Variants in PLCXD3 observed in about 807,000 individuals in gnomAD.
The protein encoded by PLCXD3 is phosphatidylinositol specific phospholipase C X domain containing 3, also known as PI-PLC X domain-containing protein 3.
Under a neutral mutation model 25.5 loss-of-function variants are expected in PLCXD3, and 19 were observed. That is an observed-to-expected ratio of 0.75 (90% CI 0.52 to 1.09). The LOEUF (loss-of-function observed/expected upper bound fraction) is 1.09. Ranked by LOEUF, PLCXD3 falls within the 50% of genes least tolerant of loss-of-function variation. The pLI, the probability that PLCXD3 is intolerant of heterozygous loss-of-function variation, is 0.00. For missense variants in PLCXD3, 411 were observed against 388.1 expected, an observed-to-expected ratio of 1.06 and a Z score of -0.50; for synonymous variants, 174 against 137.6, an observed-to-expected ratio of 1.26 and a Z score of -1.85.
intron 1 of PLCXD3, among the ~76,000 whole-genome samples, chr5:41,492,760 G>C (rs1399568322): frequency 1.3e-5 from 2 of 152,136 alleles, no homozygotes; most frequent in African/African-American, 4.8e-5. Flanking sequence ...CGTAGTTCTC[G>C]AGCCTTGGCT....
chr5:41,468,914 G>C (rs1340428822), intron 1 of PLCXD3, among the ~76,000 whole-genome samples: 1 of 152,110 alleles, frequency 6.6e-6, no homozygotes, highest in African/African-American at 2.4e-5. Context: ...CCAGTACTAA[G>C]TTGAAAAGAA....
intron 2 of PLCXD3, among the ~76,000 whole-genome samples, chr5:41,325,620 A>G (rs1743604404): frequency 6.6e-6 from 1 of 152,082 alleles, no homozygotes; most frequent in African/African-American, 2.4e-5. Flanking sequence ...TTTTTTTGCC[A>G]TTGATAATGT....
chr5:41,412,224 T>C (rs891948570), intron 1 of PLCXD3, among the ~76,000 whole-genome samples: 5 of 152,204 alleles, frequency 3.3e-5, no homozygotes, highest in Admixed American at 6.5e-5. Context: ...ATATACCAAA[T>C]GCATTGGGTT....
intron 2 of PLCXD3, among the ~76,000 whole-genome samples, chr5:41,330,787 C>A (rs1743777713): frequency 6.6e-6 from 1 of 151,916 alleles, no homozygotes; most frequent in Admixed American, 6.6e-5. Flanking sequence ...AAGGCTGGTT[C>A]AATATATGCA....
intron 1 of PLCXD3, among the ~76,000 whole-genome samples, chr5:41,458,644 G>C (rs1747807390): frequency 6.6e-6 from 1 of 151,966 alleles, no homozygotes; most frequent in South Asian, 2.1e-4. Context: ...CAGGTCATTT[G>C]ACACTAATGC....
At chr5:41,508,288 T>C (rs1749095148) in intron 1 of PLCXD3, among the ~76,000 whole-genome samples, 1 of 152,180 alleles carries the variant, frequency 6.6e-6, no homozygotes, top group Non-Finnish European at 1.5e-5. Flanking sequence ...GAAAGGAAAA[T>C]TACTGTGTTC....
At chr5:41,466,359 C>T (rs1748017931) in intron 1 of PLCXD3, among the ~76,000 whole-genome samples, 2 of 151,896 alleles carry the variant, frequency 1.3e-5, no homozygotes, top group African/African-American at 2.4e-5. Flanking sequence ...GTGAGTATTA[C>T]ATATTCATAA....
chr5:41,403,561 G>C (rs1284735954), intron 1 of PLCXD3, among the ~76,000 whole-genome samples: 2 of 76,162 alleles, frequency 2.6e-5, no homozygotes, highest in African/African-American at 1.0e-4. Flanking sequence ...CCACTCCCCC[G>C]ACCCCACCAC....
intron 1 of PLCXD3, among the ~76,000 whole-genome samples, chr5:41,506,898 C>T (rs1402198874): frequency 6.6e-6 from 1 of 152,138 alleles, no homozygotes; most frequent in Non-Finnish European, 1.5e-5. Flanking sequence ...TCTGAGTTTC[C>T]AGTCCCACAA....
chr5:41,379,496 A>T (rs565041732), intron 2 of PLCXD3, among the ~76,000 whole-genome samples: 3 of 152,210 alleles, frequency 2.0e-5, no homozygotes, highest in South Asian at 2.1e-4. Context: ...TTACACAATC[A>T]TCTAGAACGT....
At chr5:41,332,828 G>A (rs922541693) in intron 2 of PLCXD3, among the ~76,000 whole-genome samples, 9 of 152,080 alleles carry the variant, frequency 5.9e-5, no homozygotes, top group Non-Finnish European at 1.2e-4. Context: ...ATCATTCTCA[G>A]TAAACTATCG....
chr5:41,393,935 GA>G (rs1190389117), intron 1 of PLCXD3, among the ~76,000 whole-genome samples: 2 of 150,860 alleles, frequency 1.3e-5, no homozygotes, highest in African/African-American at 2.4e-5. Context: ...ATCAAAAAAA[GA>G]AAAAAAACAA....
chr5:41,376,537 G>C (rs16871303), intron 2 of PLCXD3, among the ~76,000 whole-genome samples: 27,132 of 151,772 alleles, frequency 0.18, 3,019 homozygotes, highest in African/African-American at 0.31. Flanking sequence ...CTCTGTTTCT[G>C]TAACCAACCC....
At chr5:41,496,618 T>C (rs1269331146) in intron 1 of PLCXD3, among the ~76,000 whole-genome samples, 1 of 125,804 alleles carries the variant, frequency 7.9e-6, no homozygotes, top group Admixed American at 7.7e-5. Context: ...GGTAAAGCTT[T>C]TCCCAGACCA....
chr5:41,496,458 A>G (rs1202851289), intron 1 of PLCXD3, among the ~76,000 whole-genome samples: 1 of 151,990 alleles, frequency 6.6e-6, no homozygotes, highest in African/African-American at 2.4e-5. Flanking sequence ...TTAAAATAAC[A>G]GGAGAAAAGT....
intron 2 of PLCXD3, among the ~76,000 whole-genome samples, chr5:41,354,170 G>A (rs1744553149): frequency 1.3e-5 from 2 of 152,074 alleles, no homozygotes; most frequent in African/African-American, 4.8e-5. Flanking sequence ...TATTCCTATA[G>A]CTTTAATTCC....
Position 41,478,693 on chromosome 5 carries a change from G to A in PLCXD3, c.103+31731C>T, listed in dbSNP as rs113970136. Among the ~76,000 whole-genome samples the A allele has an allele frequency of 3.8e-3, 574 of 152,252 alleles. 5 individuals carry two copies. Among genetic ancestry groups the A allele is most frequent in the African/African-American group, 0.012 (482 of 41,552 alleles). On this transcript the variant is annotated intron_variant, in intron 1 of 2. Coordinates refer to ENST00000377801, the MANE Select transcript of PLCXD3 (RefSeq NM_001005473.3). ...GAAAACAAACAGCAAAGTGTAAAGA[G>A]GTGTGTATTAGTCTATTATCTTACT...
intron 1 of PLCXD3, among the ~76,000 whole-genome samples, chr5:41,453,808 C>T (rs1006382054): frequency 6.6e-6 from 1 of 151,860 alleles, no homozygotes; most frequent in Non-Finnish European, 1.5e-5. Flanking sequence ...TGTCACTTTT[C>T]CCCAGAATGG....
intron 1 of PLCXD3, among the ~76,000 whole-genome samples, chr5:41,403,915 A>G (rs1746277282): frequency 6.6e-6 from 1 of 152,108 alleles, no homozygotes; most frequent in Non-Finnish European, 1.5e-5. Context: ...TTTGGGTATA[A>G]ATAGCTATTC....
Sources: allele counts gnomAD v4.1 joint callset (sites outside exome capture counted in the v4.1 genomes callset), GRCh38; gene constraint gnomAD v4.1.1; transcripts MANE v1.5; gene names NCBI Gene and HGNC (gene_info 2026-07-23, HGNC 2026-07-21).